The following PIK3CD variants were observed in gnomAD, a reference collection of about 807,000 sequenced individuals.
The protein encoded by PIK3CD is phosphatidylinositol 4,5-bisphosphate 3-kinase catalytic subunit delta isoform.
A neutral mutation model predicts 122.9 loss-of-function variants in PIK3CD; 20 were observed. That is an observed-to-expected ratio of 0.16 (90% CI 0.11 to 0.24). The LOEUF is 0.24. PIK3CD is among the 10% of genes least tolerant of loss of function. PIK3CD has a pLI of 1.00. For missense variants in PIK3CD, 787 were observed against 1,406.3 expected (o/e 0.56, Z 7.04); for synonymous variants, 596 against 593.4 (o/e 1.00, Z -0.06).
chr1:9,726,818 A>T, intron 23 of PIK3CD, 91 bp from the exon 24 acceptor site: 1 of 1,516,064 alleles, frequency 6.6e-7, no homozygotes, highest in Non-Finnish European at 9.1e-7. Flanking sequence ...TAACCATTTC[A>T]TTCAGTGACT....
At chr1:9,639,822 C>T in the PIK3CD span, among the ~76,000 whole-genome samples, 4 of 152,122 alleles carry the variant, frequency 2.6e-5, no homozygotes, top group Admixed American at 6.5e-5. Context: ...CTCTGCCTCC[C>T]GGGTTCAAGC....
At chr1:9,638,725 C>A in the PIK3CD span, among the ~76,000 whole-genome samples, 3 of 100,328 alleles carry the variant, frequency 3.0e-5, no homozygotes, top group Admixed American at 3.1e-4. Context: ...GAGCGAGACT[C>A]CTTCTCAAAA....
At chr1:9,716,917 T>C (rs773918218) in intron 6 of PIK3CD, 42 bp from the exon 7 acceptor site, 3 of 1,612,794 alleles carry the variant, frequency 1.9e-6, no homozygotes, top group Non-Finnish European at 2.5e-6. Flanking sequence ...AGGGAGTGGT[T>C]GGGGCCGCCC....
the PIK3CD span, among the ~76,000 whole-genome samples, chr1:9,629,429 G>A: frequency 2.0e-5 from 3 of 151,972 alleles, no homozygotes; most frequent in African/African-American, 4.8e-5. Flanking sequence ...AGGATGTGCT[G>A]AGAAGCCAGA....
chr1:9,687,514 T>A (rs993718990), intron 1 of PIK3CD: 2 of 151,250 alleles, frequency 1.3e-5, no homozygotes, highest in African/African-American at 2.4e-5. Context: ...CCAGCTGCCC[T>A]CGGATGTCTG....
the PIK3CD span, among the ~76,000 whole-genome samples, chr1:9,634,042 G>C: frequency 6.6e-6 from 1 of 151,544 alleles, no homozygotes; most frequent in Non-Finnish European, 1.5e-5. Flanking sequence ...GCGTGATCTC[G>C]GCTCACTGCA....
intron 1 of PIK3CD, chr1:9,654,334 G>C: frequency 7.3e-7 from 1 of 1,367,708 alleles, no homozygotes; most frequent in Non-Finnish European, 9.8e-7. Context: ...CTAAGCTGTG[G>C]GCTCCGTTTC....
At chr1:9,639,090 T>A in the PIK3CD span, among the ~76,000 whole-genome samples, 3 of 152,244 alleles carry the variant, frequency 2.0e-5, no homozygotes, top group Non-Finnish European at 4.4e-5. Context: ...TGGACGTATC[T>A]TTTTAGAGGC....
intron 1 of PIK3CD, among the ~76,000 whole-genome samples, chr1:9,684,536 CAAAAAA>C (rs887585173): frequency 1.5e-5 from 1 of 67,308 alleles, no homozygotes; most frequent in Non-Finnish European, 3.1e-5. Flanking sequence ...GACTCCGTCT[CAAAAAA>C]AAAAAAAAAA....
intron 2 of PIK3CD, among the ~76,000 whole-genome samples, chr1:9,694,260 G>A (rs965734288): frequency 1.3e-5 from 2 of 152,204 alleles, no homozygotes; most frequent in African/African-American, 2.4e-5. Flanking sequence ...TGCTAGGCAC[G>A]GTGGCTCCCA....
At chr1:9,656,771 C>G (rs911294023) in intron 1 of PIK3CD, among the ~76,000 whole-genome samples, 2 of 152,008 alleles carry the variant, frequency 1.3e-5, no homozygotes, top group Admixed American at 1.3e-4. Flanking sequence ...GGTGAAGCCC[C>G]GTCTCTACTA....
In PIK3CD at chr1:9,723,507, G is replaced by A. The variant is rs1045131674; in HGVS notation, c.2594+215G>A. 2.0e-5 allele frequency among the ~76,000 whole-genome samples: 3 copies of A among 152,158 alleles called. No homozygotes were observed. Among genetic ancestry groups the A allele is most frequent in the Non-Finnish European group, 4.4e-5 (3 of 68,032 alleles). On this transcript the variant is annotated intron_variant, in intron 20 of 23. Coordinates refer to ENST00000377346, the MANE Select transcript of PIK3CD (RefSeq NM_005026.5). This position sits in a 1 kb window ranked among gnomAD's most constrained non-coding sequence, Gnocchi z 4.9. ...CTTGCTATGCAACACCATCCAAAGCGCAGGGCTTTAAAAAACAGCCATTTA... is the reference window on the plus strand; with the variant it reads ...CTTGCTATGCAACACCATCCAAAGCACAGGGCTTTAAAAAACAGCCATTTA...
At position 9,724,467 on chromosome 1, in the gene PIK3CD, C is replaced by T. The variant is rs1034009493; in HGVS notation, c.2864+46C>T. 2.5e-6 allele frequency: 4 copies of T among 1,610,352 alleles called. No homozygotes were observed. The highest frequency in any genetic ancestry group is 1.7e-4 in the Middle Eastern group (1 of 6,040). ...CCAGATGCCCCTCGGTGTGGGGCCC[C>T]AGGGAACAGGGCAGAGGTTCCCAGG... On this transcript the variant is annotated intron_variant, in intron 22 of 23. Transcript: ENST00000377346. This position sits in a 1 kb window ranked among gnomAD's most constrained non-coding sequence, Gnocchi z 7.3.
intron 1 of PIK3CD, among the ~76,000 whole-genome samples, chr1:9,674,555 T>G (rs558789471): frequency 1.3e-5 from 2 of 151,024 alleles, no homozygotes; most frequent in South Asian, 4.2e-4. Flanking sequence ...CCGGGTGTGG[T>G]GGTGGGTGTC....
chr1:9,717,419 C>T lies in PIK3CD; in HGVS notation c.931-118C>T, dbSNP rs968669708. ...GATAGCATTGTGGACAGGCCCAAAC[C>T]TGGCCGCAAACCTGTGACCCTCTCA... On this transcript the variant is annotated intron_variant, in intron 7 of 23. Transcript: ENST00000377346. This position sits in a 1 kb window ranked among gnomAD's most constrained non-coding sequence, Gnocchi z 5.4. 13 of 1,056,412 alleles carry T rather than the reference C, an allele frequency of 1.2e-5. No individual in the cohort carries two copies. Among genetic ancestry groups the T allele is most frequent in the Non-Finnish European group, 1.6e-5 (11 of 685,238 alleles). 65.4% of individuals were successfully genotyped at this position (1,056,412 alleles called of 1,614,324 possible).
rs531399922 is a variant in PIK3CD at position 9,659,338 on chromosome 1, G to A, written c.-138+7536G>A. Reference sequence around the variant, plus strand: ...ACTTAAAATAAAAAATAATTTAGTCGTAATTAGTAGGCATATGCTTTTTAT... The same window carrying A: ...ACTTAAAATAAAAAATAATTTAGTCATAATTAGTAGGCATATGCTTTTTAT... On this transcript the variant is annotated intron_variant, in intron 1 of 23. Coordinates refer to ENST00000377346, the MANE Select transcript of PIK3CD (RefSeq NM_005026.5). Among the ~76,000 whole-genome samples the A allele has an allele frequency of 6.6e-5, 10 of 152,174 alleles. No individual in the cohort carries two copies. In the South Asian group the frequency reaches 1.0e-3, roughly 16 times the overall value.
chr1:9,724,888 G>A lies in PIK3CD; in HGVS notation c.2949G>A (p.Ala983=), dbSNP rs527893231. 109 of 1,613,936 alleles carry A rather than the reference G, an allele frequency of 6.8e-5. No individual in the cohort carries two copies. The highest frequency in any genetic ancestry group is 2.2e-4 in the East Asian group (10 of 44,876). ...TCCACCTCTTTGCCCTGATGCGGGCGGCAGGCCTGCCTGAGCTCAGCTGCT... is the reference window on the plus strand; with the variant it reads ...TCCACCTCTTTGCCCTGATGCGGGCAGCAGGCCTGCCTGAGCTCAGCTGCT... ...LFLHLFALMR[A]AGLPELSCSK... is the part of the protein sequence containing the mutation. The change falls in exon 23 of 24, where the codon GCG becomes GCA. Residue 983 remains alanine, a synonymous_variant. Coordinates refer to ENST00000377346, the MANE Select transcript of PIK3CD (RefSeq NM_005026.5). This position sits in a 1 kb window ranked among gnomAD's most constrained non-coding sequence, Gnocchi z 7.3.
chr1:9,657,050 A>G (rs1001203103), intron 1 of PIK3CD, among the ~76,000 whole-genome samples: 4 of 151,834 alleles, frequency 2.6e-5, no homozygotes, highest in African/African-American at 7.3e-5. Flanking sequence ...TAGGGGGAGA[A>G]TCCTGCTTTG....
At chr1:9,636,774 G>A in the PIK3CD span, among the ~76,000 whole-genome samples, 1 of 152,214 alleles carries the variant, frequency 6.6e-6, no homozygotes, top group Non-Finnish European at 1.5e-5. Context: ...GTTGTAGAAA[G>A]GCCACCAAGG....
Sources: allele counts gnomAD v4.1 joint callset (sites outside exome capture counted in the v4.1 genomes callset), GRCh38; gene constraint gnomAD v4.1.1; non-coding constraint Gnocchi (gnomAD v3.1); transcripts MANE v1.5; gene names NCBI Gene and HGNC (gene_info 2026-07-23, HGNC 2026-07-21).